Variants in ADAMTS17 observed in about 807,000 individuals in gnomAD.
ADAMTS17 encodes A disintegrin and metalloproteinase with thrombospondin motifs 17.
ADAMTS17 carries 113 observed loss-of-function variants against 141.5 expected under a neutral mutation model. The observed-to-expected ratio is 0.80, with a 90% CI of 0.69 to 0.93. The LOEUF is 0.93. Ranked by LOEUF, ADAMTS17 falls within the 40% of genes least tolerant of loss-of-function variation. The pLI is 0.00. For synonymous variants in ADAMTS17, 768 were observed against 630.6 expected, an observed-to-expected ratio of 1.22 and a Z score of -3.27; for missense variants, 1,659 against 1,517.9, an observed-to-expected ratio of 1.09 and a Z score of -1.54.
intron 8 of ADAMTS17, among the ~76,000 whole-genome samples, chr15:100,174,436 C>T (rs1033937469): frequency 6.7e-6 from 1 of 150,314 alleles, no homozygotes; most frequent in Admixed American, 6.6e-5. Flanking sequence ...ACCAAGTATC[C>T]TGGGTATTGT....
chr15:100,107,887 G>T lies in ADAMTS17; in HGVS notation c.2016+1102C>A, dbSNP rs553585225. On this transcript the variant is annotated intron_variant, in intron 14 of 21. Coordinates refer to ENST00000268070, the MANE Select transcript of ADAMTS17 (RefSeq NM_139057.4). ...GGTGCCCAAGCTGACTAAGATGCTG[G>T]GGCTCTCTCACAACATGCCCAGCTT... is the stretch of plus-strand genomic sequence containing the variant. Among the ~76,000 whole-genome samples, 9 of 152,232 alleles carry T rather than the reference G, an allele frequency of 5.9e-5. No individual in the cohort carries two copies. The East Asian group carries it at 1.7e-3, about 29-fold the overall frequency.
rs570445799 is a variant in ADAMTS17, at chr15:100,232,935, C to T, written c.1075+21201G>A. On this transcript the variant is annotated intron_variant, in intron 7 of 21. Coordinates refer to ENST00000268070, the MANE Select transcript of ADAMTS17 (RefSeq NM_139057.4). ...GCCGTGAATCTCCAAGGTCCACTGCCCCATGTCAGTTTTTAAAGGGAGAGT... is the reference window on the plus strand; with the variant it reads ...GCCGTGAATCTCCAAGGTCCACTGCTCCATGTCAGTTTTTAAAGGGAGAGT... Among the ~76,000 whole-genome samples the T allele has an allele frequency of 3.9e-5, 6 of 152,326 alleles. No individual in the cohort carries two copies. In the South Asian group the frequency reaches 1.2e-3, roughly 32 times the overall value.
At chr15:100,339,206 G>C (rs768741055) in intron 2 of ADAMTS17, 3 of 978,698 alleles carry the variant, frequency 3.1e-6, no homozygotes, top group Non-Finnish European at 3.6e-6. Flanking sequence ...GGACAGTCTT[G>C]CCGAGAAGCT....
chr15:100,227,686 C>G (rs1567391183), intron 7 of ADAMTS17, among the ~76,000 whole-genome samples: 1 of 152,206 alleles, frequency 6.6e-6, no homozygotes, highest in East Asian at 1.9e-4. Flanking sequence ...GGGTGGAAAA[C>G]CTTTCTCTGA....
At chr15:100,092,862 C>G (rs35705969) in intron 15 of ADAMTS17, among the ~76,000 whole-genome samples, 24,461 of 152,136 alleles carry the variant, frequency 0.16, 2,504 homozygotes, top group East Asian at 0.53. Flanking sequence ...TCCTGGCTGT[C>G]CATGGGCTGG....
intron 20 of ADAMTS17, among the ~76,000 whole-genome samples, chr15:99,978,176 A>G (rs1427812183): frequency 6.6e-6 from 1 of 152,170 alleles, no homozygotes; most frequent in Non-Finnish European, 1.5e-5. Context: ...GTCTCCAGAC[A>G]CAGGCTGCGT....
At chr15:100,305,249 T>C (rs1362121975) in intron 3 of ADAMTS17, among the ~76,000 whole-genome samples, 1 of 152,244 alleles carries the variant, frequency 6.6e-6, no homozygotes, top group Non-Finnish European at 1.5e-5. Context: ...AAGCTTGTTT[T>C]AACATCTCAA....
intron 2 of ADAMTS17, among the ~76,000 whole-genome samples, chr15:100,335,448 C>T (rs2046180165): frequency 1.3e-5 from 2 of 152,216 alleles, no homozygotes; most frequent in South Asian, 4.1e-4. Context: ...TCCCCAGAGC[C>T]CCGCCCTGCC....
chr15:100,257,364 C>A (rs28371012), intron 6 of ADAMTS17, among the ~76,000 whole-genome samples: 1 of 152,246 alleles, frequency 6.6e-6, no homozygotes, highest in South Asian at 2.1e-4. Flanking sequence ...CCACTGCGGC[C>A]TCCCCCGTCC....
intron 3 of ADAMTS17, among the ~76,000 whole-genome samples, chr15:100,310,391 T>A (rs181011848): frequency 1.1e-3 from 165 of 152,366 alleles, no homozygotes; most frequent in African/African-American, 3.9e-3. Flanking sequence ...GAGTGTGTTG[T>A]ATTTCTTTAA....
intron 8 of ADAMTS17, among the ~76,000 whole-genome samples, chr15:100,156,127 A>G (rs1408755860): frequency 6.6e-6 from 1 of 152,268 alleles, no homozygotes; most frequent in Non-Finnish European, 1.5e-5. Flanking sequence ...TCCAAGTGCC[A>G]GGTAACGGAC....
At chr15:100,082,062 T>TG (rs1567141684) in intron 15 of ADAMTS17, among the ~76,000 whole-genome samples, 1 of 152,174 alleles carries the variant, frequency 6.6e-6, no homozygotes, top group Non-Finnish European at 1.5e-5. Flanking sequence ...TTGCTTTTAT[T>TG]GATTTTTTTG....
At chr15:100,266,047 A>C (rs965450651) in intron 4 of ADAMTS17, among the ~76,000 whole-genome samples, 1 of 152,202 alleles carries the variant, frequency 6.6e-6, no homozygotes, top group Non-Finnish European at 1.5e-5. Flanking sequence ...ATGGTAACTG[A>C]GTAAAATTCA....
Position 100,281,323 on chromosome 15 carries a change from T to A in ADAMTS17, c.695A>T (p.His232Leu). The A allele has an allele frequency of 6.2e-7, 1 of 1,610,402 alleles. No homozygotes were observed. Reference protein sequence around the residue: ...RRNAIRLTSEHTVETLVVADA... With the variant: ...RRNAIRLTSELTVETLVVADA... ...GGCCACCACCAGGGTCTCCACCGTG[T>A]GCTCGCTGGTGAGCCGGATAGCGTT... The change falls in exon 4 of 22, where the codon CAC becomes CTC. Residue 232 changes from histidine to leucine, a missense_variant. By Grantham distance (99) the His-to-Leu change is moderately conservative. Coordinates refer to ENST00000268070, the MANE Select transcript of ADAMTS17 (RefSeq NM_139057.4).
chr15:99,982,508 C>G (rs938381252), intron 20 of ADAMTS17, among the ~76,000 whole-genome samples: 2 of 152,156 alleles, frequency 1.3e-5, no homozygotes, highest in Non-Finnish European at 2.9e-5. Flanking sequence ...GGTGGGCGCA[C>G]GGGGTGAATT....
chr15:100,148,089 T>TA (rs1394780086), intron 10 of ADAMTS17, among the ~76,000 whole-genome samples: 2 of 152,232 alleles, frequency 1.3e-5, no homozygotes, highest in African/African-American at 4.8e-5. Context: ...GACTCTTGAG[T>TA]ACACTGGGCC....
chr15:100,154,650 G>A (rs1596123792), intron 9 of ADAMTS17, among the ~76,000 whole-genome samples: 1 of 152,280 alleles, frequency 6.6e-6, no homozygotes, highest in Middle Eastern at 3.4e-3. Context: ...AAATCAGATG[G>A]CAGATTCTTC....
chr15:100,237,598 T>C (rs768491986), intron 7 of ADAMTS17, among the ~76,000 whole-genome samples: 4 of 151,942 alleles, frequency 2.6e-5, no homozygotes, highest in African/African-American at 9.7e-5. Context: ...AATACACAAG[T>C]AGGGAAAGGA....
chr15:100,122,950 A>C (rs1239913940), intron 12 of ADAMTS17, among the ~76,000 whole-genome samples: 1 of 152,214 alleles, frequency 6.6e-6, no homozygotes, highest in Non-Finnish European at 1.5e-5. Context: ...GAGACAACAG[A>C]AAGAGGCATC....
Sources: gnomAD v4.1 joint callset for allele counts (sites outside exome capture counted in the v4.1 genomes callset) on GRCh38, gnomAD v4.1.1 for gene constraint, MANE v1.5 for transcripts, NCBI Gene and HGNC (gene_info 2026-07-23, HGNC 2026-07-21) for gene names.